Variants in IGFN1 observed in about 807,000 individuals in gnomAD.
IGFN1 encodes the protein immunoglobulin-like and fibronectin type III domain-containing protein 1.
A neutral mutation model predicts 289.5 loss-of-function variants in IGFN1; 253 were observed. The observed-to-expected ratio is 0.87, with a 90% CI of 0.79 to 0.97. The LOEUF (loss-of-function observed/expected upper bound fraction) is 0.97, where lower values mean the gene tolerates loss of function less well. Ranked by LOEUF, IGFN1 falls within the 50% of genes least tolerant of loss-of-function variation. IGFN1 has a pLI of 0.00. For synonymous variants in IGFN1, 1,706 were observed against 1,788.5 expected (o/e 0.95, Z 1.16); for missense variants, 4,470 against 4,686.1 (o/e 0.95, Z 1.35).
chr1:201,201,929 A>G (rs543413721), intron 9 of IGFN1, 97 bp downstream of exon 9: 2 of 685,332 alleles, frequency 2.9e-6, no homozygotes, highest in East Asian at 2.7e-5. Flanking sequence ...CTCCAAGGGA[A>G]CAACCAGAGC....
chr1:201,196,448 G>T (rs888154868), intron 4 of IGFN1, among the ~76,000 whole-genome samples: 1 of 152,184 alleles, frequency 6.6e-6, no homozygotes, highest in African/African-American at 2.4e-5. Flanking sequence ...AGGTTCAAGC[G>T]ATTCTCCTGC....
intron 20 of IGFN1, chr1:201,223,078 G>T: frequency 2.9e-6 from 1 of 346,450 alleles, no homozygotes. Flanking sequence ...TCCCTCTAGT[G>T]GTAGCTTCAG....
intron 15 of IGFN1, 117 bp downstream of exon 15, chr1:201,215,955 T>A: frequency 9.5e-7 from 1 of 1,048,160 alleles, no homozygotes; most frequent in Non-Finnish European, 1.5e-6. Flanking sequence ...CTCATTTGCA[T>A]GCTGTTTAAG....
At position 201,203,800 on chromosome 1, in the gene IGFN1, GA is replaced by G; in HGVS notation, c.812del (p.Lys271SerfsTer10). On this transcript the variant is annotated frameshift_variant, in exon 10 of 24. Transcript: ENST00000335211. LOFTEE classifies it high-confidence loss of function. ...QTKHCLRRLG[K>X]RYEFQIQDLR... ...CCAAGCACTGTCTGCGCCGGCTGGG[GA>G]AGCGCTATGAGTTCCAGATTCAAGA... is the stretch of plus-strand genomic sequence containing the variant. 6.4e-7 allele frequency: 1 copy of G among 1,551,698 alleles called. No homozygotes were observed. The highest frequency in any genetic ancestry group is 1.7e-4 in the Middle Eastern group (1 of 5,992).
At position 201,221,463 on chromosome 1, in the gene IGFN1, G is replaced by A. The variant is rs751672487; in HGVS notation, c.9918G>A (p.Arg3306=). 6.3e-7 allele frequency: 1 copy of A among 1,598,316 alleles called. No homozygotes were observed. Among genetic ancestry groups the A allele is most frequent in the South Asian group, 1.1e-5 (1 of 88,106 alleles). The part of the protein sequence containing the change: ...RDPMRPPGLV[R]NLQVTDRSNT... ...TGGCAGGACCCCCTGGGCTGGTGAG[G>A]AATCTCCAAGTCACAGACAGATCGA... Residue 3306 remains arginine, a synonymous_variant, in exon 19 of 24, where the codon AGG becomes AGA. Coordinates refer to ENST00000335211, the MANE Select transcript of IGFN1 (RefSeq NM_001164586.2).
intron 8 of IGFN1, 69 bp from the exon 9 acceptor site, chr1:201,201,650 T>A (rs1667165976): frequency 2.4e-6 from 2 of 822,488 alleles, no homozygotes; most frequent in Non-Finnish European, 4.1e-6. Context: ...CCAGAGCCTA[T>A]GAGGGTTCAG....
In IGFN1 at chr1:201,221,482, A is replaced by G; in HGVS notation, c.9937A>G (p.Arg3313Gly). The change falls in exon 19 of 24, where the codon AGA (arginine) becomes GGA (glycine). Residue 3313 changes from arginine (R) to glycine (G), a missense_variant. Around this residue, in one of 8 missense-constraint regions of IGFN1, gnomAD observed 2,218 missense variants for 2,114.1 expected, o/e 1.05. Transcript: ENST00000335211. ...GLVRNLQVTDRSNTSITLSWA... is the reference protein window; with the variant it reads ...GLVRNLQVTDGSNTSITLSWA... The stretch of plus-strand genomic sequence containing the variant: ...GGTGAGGAATCTCCAAGTCACAGAC[A>G]GATCGAACACCAGCATCACTCTGAG... The G allele has an allele frequency of 6.2e-7, 1 of 1,611,424 alleles. No individual in the cohort carries two copies. The highest frequency in any genetic ancestry group is 8.5e-7 in the Non-Finnish European group (1 of 1,178,682).
Position 201,228,404 on chromosome 1 carries a change from A to C in IGFN1, c.*5A>C, listed in dbSNP as rs748308165. Reference sequence around the variant, plus strand: ...CTTGCAGAACCCAGCACCTAGCCTCACCTCACCCTGGGATGGTCCTGGACC... The same window carrying C: ...CTTGCAGAACCCAGCACCTAGCCTCCCCTCACCCTGGGATGGTCCTGGACC... On this transcript the variant is annotated 3_prime_UTR_variant, in exon 24 of 24. Transcript: ENST00000335211. 3.1e-6 allele frequency: 5 copies of C among 1,613,758 alleles called. No individual in the cohort carries two copies. The highest frequency in any genetic ancestry group is 4.2e-6 in the Non-Finnish European group (5 of 1,179,838).
At chr1:201,193,741 C>T (rs369577675) in intron 2 of IGFN1, among the ~76,000 whole-genome samples, 5 of 152,120 alleles carry the variant, frequency 3.3e-5, no homozygotes, top group South Asian at 2.1e-4. Context: ...CGTAAGCCAC[C>T]GTGCTTGGCT....
rs889828982 is a variant in IGFN1, at chr1:201,228,820, G to A, written c.*421G>A. Reference sequence around the variant, plus strand: ...AAGAGGAGAGGAGGTCAGAGGACCTGGGTGAGGACTAGGGCATCAAGGTCG... The same window carrying A: ...AAGAGGAGAGGAGGTCAGAGGACCTAGGTGAGGACTAGGGCATCAAGGTCG... On this transcript the variant is annotated 3_prime_UTR_variant, in exon 24 of 24. Coordinates refer to ENST00000335211, the MANE Select transcript of IGFN1 (RefSeq NM_001164586.2). 5 of 205,246 alleles carry A rather than the reference G, an allele frequency of 2.4e-5. No homozygotes were observed. Among genetic ancestry groups the A allele is most frequent in the South Asian group, 9.8e-5 (1 of 10,162 alleles). 12.7% of individuals were successfully genotyped at this position (205,246 alleles called of 1,614,324 possible).
intron 9 of IGFN1, among the ~76,000 whole-genome samples, chr1:201,203,319 G>T (rs559760872): frequency 6.6e-6 from 1 of 152,252 alleles, no homozygotes; most frequent in Non-Finnish European, 1.5e-5. Context: ...GAGCCTTATG[G>T]ATATCTGATG....
intron 2 of IGFN1, 56 bp downstream of exon 2, chr1:201,193,356 C>T (rs1666743122): frequency 1.5e-6 from 2 of 1,348,076 alleles, no homozygotes; most frequent in Middle Eastern, 1.8e-4. Context: ...CTTACCAGGA[C>T]AGAGAGGAGA....
Position 201,210,855 on chromosome 1 carries a change from G to C in IGFN1, c.5962G>C (p.Glu1988Gln), listed in dbSNP as rs536989087. The C allele has an allele frequency of 9.8e-5, 150 of 1,535,244 alleles. No individual in the cohort carries two copies. The highest frequency in any genetic ancestry group is 1.3e-4 in the Non-Finnish European group (144 of 1,146,372). The change falls in exon 12 of 24, where the codon GAG becomes CAG. Residue 1988 changes from glutamate to glutamine, a missense_variant. Glu to Gln is a conservative substitution (Grantham distance 29). Coordinates refer to ENST00000335211, the MANE Select transcript of IGFN1 (RefSeq NM_001164586.2). Reference protein sequence around the residue: ...EGFRDGLGGSEEMGSMDEAGY... With the variant: ...EGFRDGLGGSQEMGSMDEAGY... ...TTTCAGGGATGGTTTAGGGGGTTCT[G>C]AGGAAATGGGGTCAATGGATGAGGC...
intron 5 of IGFN1, among the ~76,000 whole-genome samples, chr1:201,198,953 T>C (rs759457012): frequency 1.3e-5 from 2 of 152,230 alleles, no homozygotes; most frequent in Admixed American, 1.3e-4. Flanking sequence ...GCCTATACCC[T>C]GAAATGGCAG....
Position 201,213,564 on chromosome 1 carries a change from C to T in IGFN1, c.8671C>T (p.Arg2891Trp), listed in dbSNP as rs375762408. 2.1e-5 allele frequency: 34 copies of T among 1,613,818 alleles called. No homozygotes were observed. The highest frequency in any genetic ancestry group is 6.7e-5 in the African/African-American group (5 of 74,882). ...DIYGERRDAT[R>W]SSTSRYKPGT... ...CTATGGAGAGAGGAGAGATGCTACC[C>T]GGAGTTCCACATCCAGATACAAGCC... Residue 2891 changes from arginine (R) to tryptophan (W), a missense_variant, in exon 12 of 24, where the codon CGG (arginine) becomes TGG (tryptophan). Arg to Trp is a moderately radical substitution (Grantham distance 101, BLOSUM62 -3). Around this residue, in one of 8 missense-constraint regions of IGFN1, gnomAD observed 2,218 missense variants for 2,114.1 expected, o/e 1.05. Coordinates refer to ENST00000335211, the MANE Select transcript of IGFN1 (RefSeq NM_001164586.2).
intron 13 of IGFN1, among the ~76,000 whole-genome samples, 164 bp from the exon 14 acceptor site, chr1:201,214,849 A>G (rs1381057623): frequency 6.6e-6 from 1 of 152,234 alleles, no homozygotes; most frequent in Non-Finnish European, 1.5e-5. Context: ...CTGTTACGAC[A>G]ATTAAATAAG....
rs750583789 is a variant in IGFN1, at chr1:201,207,208, A to G, written c.2315A>G (p.Lys772Arg). 1.3e-5 allele frequency: 20 copies of G among 1,536,744 alleles called. No homozygotes were observed. In the South Asian group the frequency reaches 1.9e-4, roughly 15 times the overall value. The change falls in exon 12 of 24, where the codon AAA becomes AGA. Residue 772 changes from lysine to arginine, a missense_variant. Coordinates refer to ENST00000335211, the MANE Select transcript of IGFN1 (RefSeq NM_001164586.2). ...TCTGTAGTTACAGGAAGTGCCTACA[A>G]AACTGGCCCTGGAGGCCCAGGAGAC... is the stretch of plus-strand genomic sequence containing the variant. ...GESVVTGSAY[K>R]TGPGGPGDPR...
chr1:201,206,163 G>C lies in IGFN1; in HGVS notation c.1270G>C (p.Glu424Gln), dbSNP rs1467504312. ...RQGAQASGAE[E>Q]SGSIESQGEK... ...AGGAGCCCAGGCATCAGGAGCAGAA[G>C]AGTCTGGGAGCATCGAGAGCCAGGG... is the stretch of plus-strand genomic sequence containing the variant. The change falls in exon 12 of 24, where the codon GAG becomes CAG. Residue 424 changes from glutamate (E) to glutamine (Q), a missense_variant. Around this residue, in one of 8 missense-constraint regions of IGFN1, gnomAD observed 2,011 missense variants for 1,953.4 expected, o/e 1.03. Coordinates refer to ENST00000335211, the MANE Select transcript of IGFN1 (RefSeq NM_001164586.2). 1 of 1,550,626 alleles carries C rather than the reference G, an allele frequency of 6.4e-7. No individual in the cohort carries two copies. The highest frequency in any genetic ancestry group is 8.7e-7 in the Non-Finnish European group (1 of 1,146,902).
chr1:201,227,868 C>A (rs1654215438), intron 23 of IGFN1, among the ~76,000 whole-genome samples: 1 of 152,186 alleles, frequency 6.6e-6, no homozygotes, highest in Non-Finnish European at 1.5e-5. Flanking sequence ...ATCCGTATTG[C>A]TGTTTCTTAA....
Sources: allele counts gnomAD v4.1 joint callset (sites outside exome capture counted in the v4.1 genomes callset), GRCh38; gene constraint gnomAD v4.1.1; regional missense constraint gnomAD v4.1.1; transcripts MANE v1.5; gene names NCBI Gene and HGNC (gene_info 2026-07-23, HGNC 2026-07-21).